Variants in MTA3 observed in about 807,000 individuals in gnomAD.
The protein encoded by MTA3 is metastasis-associated protein MTA3.
In MTA3, 34 loss-of-function variants were observed where a neutral mutation model predicts 83.5. The ratio of observed to expected loss-of-function variants is 0.41; its 90% CI spans 0.31 to 0.54. MTA3 has a LOEUF of 0.54. Ranked by LOEUF, MTA3 falls within the 20% of genes least tolerant of loss-of-function variation. The pLI is 0.33. For missense variants in MTA3, 761 were observed against 726.4 expected, an observed-to-expected ratio of 1.05 and a Z score of -0.55; for synonymous variants, 303 against 252.7, an observed-to-expected ratio of 1.20 and a Z score of -1.89.
In MTA3 at chr2:42,626,238, C is replaced by T. The variant is rs578253023; in HGVS notation, c.318-13935C>T. 6.2e-5 allele frequency among the ~76,000 whole-genome samples: 9 copies of T among 145,980 alleles called. No individual in the cohort carries two copies. In the South Asian group the frequency reaches 1.5e-3, roughly 25 times the overall value. ...GATTACAGGCGTGAACCACCGTGCC[C>T]GGCCATAGTTTTCTATTCTTATTCA... On this transcript the variant is annotated intron_variant, in intron 4 of 16. Transcript: ENST00000405094.
At chr2:42,644,786 G>T (rs1183977746) in intron 6 of MTA3, among the ~76,000 whole-genome samples, 1 of 151,774 alleles carries the variant, frequency 6.6e-6, no homozygotes. Flanking sequence ...ATTGTTTTTG[G>T]GGCCACGAAC....
chr2:42,752,453 C>A (rs775157568), intron 16 of MTA3: 27 of 354,514 alleles, frequency 7.6e-5, no homozygotes, highest in Non-Finnish European at 1.5e-4. Flanking sequence ...TCACAACTTT[C>A]TAATACAACA....
chr2:42,703,940 C>T (rs1442499693), intron 11 of MTA3: 2 of 306,420 alleles, frequency 6.5e-6, no homozygotes, highest in African/African-American at 4.4e-5. Flanking sequence ...TGTATTCGGA[C>T]CAGAAAAGAG....
At chr2:42,693,090 C>G (rs1208853037) in intron 9 of MTA3, among the ~76,000 whole-genome samples, 2 of 151,964 alleles carry the variant, frequency 1.3e-5, no homozygotes, top group African/African-American at 4.8e-5. Flanking sequence ...GTCTCTCCCT[C>G]TCCCTCTCCC....
At chr2:42,724,302 A>ACACACACACACG (rs1667651617) in intron 16 of MTA3, among the ~76,000 whole-genome samples, 1 of 148,882 alleles carries the variant, frequency 6.7e-6, no homozygotes, top group African/African-American at 2.5e-5. Flanking sequence ...ACACACACAC[A>ACACACACACACG]CACACACACA....
intron 2 of MTA3, among the ~76,000 whole-genome samples, chr2:42,546,382 C>T (rs1416494878): frequency 6.6e-6 from 1 of 152,122 alleles, no homozygotes; most frequent in Non-Finnish European, 1.5e-5. Context: ...TCCTTGTCTG[C>T]TCTACTTGGT....
chr2:42,713,484 A>C (rs1423334418), intron 14 of MTA3, among the ~76,000 whole-genome samples: 1 of 151,948 alleles, frequency 6.6e-6, no homozygotes, highest in Non-Finnish European at 1.5e-5. Flanking sequence ...AAGCCGAGGG[A>C]GTTTAATAAA....
intron 3 of MTA3, 26 bp downstream of exon 3, chr2:42,579,226 A>G (rs201278156): frequency 6.6e-7 from 1 of 1,516,014 alleles, no homozygotes; most frequent in African/African-American, 1.4e-5. Context: ...CTGATTAAAA[A>G]AACGTTTTAA....
At chr2:42,724,845 CTGTT>C (rs1011871271) in intron 16 of MTA3, among the ~76,000 whole-genome samples, 3 of 152,204 alleles carry the variant, frequency 2.0e-5, no homozygotes, top group Non-Finnish European at 4.4e-5. Flanking sequence ...CTCTCTAGGG[CTGTT>C]TGTTTCATTT....
chr2:42,584,218 C>T (rs1021687413), intron 3 of MTA3, among the ~76,000 whole-genome samples: 6 of 152,024 alleles, frequency 3.9e-5, no homozygotes, highest in African/African-American at 1.4e-4. Flanking sequence ...ATACAGTATG[C>T]CTGGTGTTTC....
intron 4 of MTA3, among the ~76,000 whole-genome samples, chr2:42,635,702 T>C (rs1295700182): frequency 6.6e-6 from 1 of 152,146 alleles, no homozygotes; most frequent in Non-Finnish European, 1.5e-5. Flanking sequence ...CTTTCTTTAA[T>C]GAAGCAATAA....
chr2:42,728,976 A>G (rs1668018937), intron 16 of MTA3, among the ~76,000 whole-genome samples: 1 of 145,376 alleles, frequency 6.9e-6, no homozygotes, highest in East Asian at 2.0e-4. Context: ...TAATTTGTCT[A>G]TTTTTGCTTT....
chr2:42,744,815 C>T (rs538215239), intron 16 of MTA3, among the ~76,000 whole-genome samples: 4 of 152,318 alleles, frequency 2.6e-5, no homozygotes, highest in Admixed American at 2.6e-4. Flanking sequence ...ATCTTGACAG[C>T]CCAGGGAAGT....
At chr2:42,548,861 T>TATATATATA (rs1553340738) in intron 2 of MTA3, among the ~76,000 whole-genome samples, 1 of 7,490 alleles carries the variant, frequency 1.3e-4, no homozygotes, top group Non-Finnish European at 2.3e-4. Flanking sequence ...ATATATATAA[T>TATATATATA]ATATATATAT....
chr2:42,576,566 A>C (rs972508291), intron 2 of MTA3, among the ~76,000 whole-genome samples: 2 of 147,732 alleles, frequency 1.4e-5, no homozygotes, highest in African/African-American at 2.5e-5. Context: ...GGGGTTTGAG[A>C]CCAGCCTGTG....
At chr2:42,598,311 CGCCTCG>C (rs1280995858) in intron 3 of MTA3, among the ~76,000 whole-genome samples, 1 of 151,960 alleles carries the variant, frequency 6.6e-6, no homozygotes, top group Non-Finnish European at 1.5e-5. Context: ...GTGATCCACC[CGCCTCG>C]GCCTCCCAAA....
intron 2 of MTA3, among the ~76,000 whole-genome samples, chr2:42,528,257 G>A (rs892165024): frequency 1.4e-5 from 2 of 147,526 alleles, no homozygotes; most frequent in East Asian, 2.0e-4. Context: ...GTCTTGCTCT[G>A]TTGCCCAGGG....
intron 2 of MTA3, among the ~76,000 whole-genome samples, chr2:42,573,666 A>C (rs1016266940): frequency 1.3e-5 from 2 of 151,972 alleles, no homozygotes; most frequent in Non-Finnish European, 2.9e-5. Flanking sequence ...GCCCAACACC[A>C]TGCCTGGCTA....
At chr2:42,521,418 C>T (rs912915137) in intron 2 of MTA3, among the ~76,000 whole-genome samples, 3 of 152,166 alleles carry the variant, frequency 2.0e-5, no homozygotes, top group Non-Finnish European at 4.4e-5. Context: ...AAGCTGCACC[C>T]AGATTCCTAA....
Sources: allele counts gnomAD v4.1 joint callset (sites outside exome capture counted in the v4.1 genomes callset), GRCh38; gene constraint gnomAD v4.1.1; transcripts MANE v1.5; gene names NCBI Gene and HGNC (gene_info 2026-07-23, HGNC 2026-07-21).